PCA3: variants seen among roughly 807,000 people sequenced by gnomAD.
PCA3 encodes the protein prostate cancer associated 3.
intron 2 of PCA3, among the ~76,000 whole-genome samples, chr9:76,769,200 G>A (rs1039210591): frequency 3.9e-5 from 6 of 152,152 alleles, no homozygotes; most frequent in African/African-American, 7.2e-5. Flanking sequence ...TCTTCAGATC[G>A]TATAAATCTC....
intron 2 of PCA3, chr9:76,785,626 CT>C (rs1421094750): frequency 6.6e-6 from 1 of 151,916 alleles, no homozygotes. Context: ...TGTGTTTGTC[CT>C]TGTAGTTAAT....
At chr9:76,772,574 T>C (rs189149167) in intron 2 of PCA3, among the ~76,000 whole-genome samples, 4 of 151,988 alleles carry the variant, frequency 2.6e-5, no homozygotes, top group Non-Finnish European at 5.9e-5. Context: ...ATTTTCTTTC[T>C]TTTTTTTAGA....
chr9:76,780,523 TAAAA>T (rs201425099), intron 2 of PCA3, among the ~76,000 whole-genome samples: 1 of 150,520 alleles, frequency 6.6e-6, no homozygotes, highest in African/African-American at 2.4e-5. Flanking sequence ...CTGTTTCTAA[TAAAA>T]AAAAATACAA....
chr9:76,774,460 T>TATTTA (rs1564272674), intron 2 of PCA3, among the ~76,000 whole-genome samples: 19 of 138,656 alleles, frequency 1.4e-4, no homozygotes, highest in Non-Finnish European at 1.4e-4. Context: ...CTTTTTTTTT[T>TATTTA]TTTTTTTTTT....
chr9:76,766,622 C>G (rs999748599), intron 2 of PCA3, among the ~76,000 whole-genome samples: 2 of 152,104 alleles, frequency 1.3e-5, no homozygotes, highest in Non-Finnish European at 2.9e-5. Context: ...CCTTACATAC[C>G]TCCCTCGTTT....
chr9:76,767,415 C>A (rs889503073), intron 2 of PCA3, among the ~76,000 whole-genome samples: 1 of 151,066 alleles, frequency 6.6e-6, no homozygotes, highest in Non-Finnish European at 1.5e-5. Flanking sequence ...TGTGCCACTG[C>A]GCTCCAGCCT....
chr9:76,784,003 C>G (rs1455711906), intron 2 of PCA3: 1 of 152,206 alleles, frequency 6.6e-6, no homozygotes, highest in Non-Finnish European at 1.5e-5. Flanking sequence ...TACCGATTTT[C>G]TATTTCTTGC....
At chr9:76,772,620 G>C (rs1793789877) in intron 2 of PCA3, among the ~76,000 whole-genome samples, 1 of 152,136 alleles carries the variant, frequency 6.6e-6, no homozygotes, top group South Asian at 2.1e-4. Flanking sequence ...CTGGAACGTA[G>C]TGGTGCAATC....
chr9:76,765,131 T>C (rs2052198188), intron 2 of PCA3, among the ~76,000 whole-genome samples: 1 of 152,136 alleles, frequency 6.6e-6, no homozygotes, highest in Non-Finnish European at 1.5e-5. Context: ...CATTAACATA[T>C]AACCACTTAG....
At chr9:76,765,296 G>C (rs2052222497) in intron 2 of PCA3, among the ~76,000 whole-genome samples, 1 of 152,156 alleles carries the variant, frequency 6.6e-6, no homozygotes, top group African/African-American at 2.4e-5. Context: ...TGCCATAGAA[G>C]CCAAGATGAA....
intron 2 of PCA3, among the ~76,000 whole-genome samples, chr9:76,776,517 T>TC (rs1191105197): frequency 7.4e-5 from 11 of 149,478 alleles, no homozygotes; most frequent in African/African-American, 2.8e-4. Flanking sequence ...TTTTCTTTTT[T>TC]CTTTTTTTTT....
intron 2 of PCA3, among the ~76,000 whole-genome samples, chr9:76,783,106 T>A (rs1227510928): frequency 6.6e-6 from 1 of 152,142 alleles, no homozygotes; most frequent in Non-Finnish European, 1.5e-5. Flanking sequence ...GACACTTGAT[T>A]AACATCAGTT....
intron 2 of PCA3, among the ~76,000 whole-genome samples, chr9:76,771,146 G>C (rs1051198063): frequency 6.6e-6 from 1 of 152,080 alleles, no homozygotes; most frequent in African/African-American, 2.4e-5. Flanking sequence ...TATGATCATA[G>C]AAACTAGACA....
chr9:76,765,948 C>T (rs1455922961), intron 2 of PCA3, among the ~76,000 whole-genome samples: 2 of 152,032 alleles, frequency 1.3e-5, no homozygotes, highest in African/African-American at 4.8e-5. Context: ...TTTGGGAGGC[C>T]AAGGCAGGCT....
At chr9:76,767,367 C>T (rs1027711672) in intron 2 of PCA3, among the ~76,000 whole-genome samples, 7 of 151,900 alleles carry the variant, frequency 4.6e-5, no homozygotes, top group Non-Finnish European at 1.0e-4. Context: ...AGGAGAATAG[C>T]TTGAACTCGG....
chr9:76,770,030 T>TCATA (rs1247669921), intron 2 of PCA3, among the ~76,000 whole-genome samples: 2 of 152,200 alleles, frequency 1.3e-5, no homozygotes, highest in African/African-American at 4.8e-5. Context: ...TTTATTAGCA[T>TCATA]CATAACCTAA....
chr9:76,766,733 T>G (rs1177799951), intron 2 of PCA3, among the ~76,000 whole-genome samples: 16 of 150,554 alleles, frequency 1.1e-4, no homozygotes, highest in Admixed American at 1.1e-3. Flanking sequence ...GATTTGCCAT[T>G]TCTTCAGCCT....
intron 2 of PCA3, among the ~76,000 whole-genome samples, chr9:76,765,474 G>A (rs1376397221): frequency 6.6e-6 from 1 of 152,196 alleles, no homozygotes; most frequent in Non-Finnish European, 1.5e-5. Context: ...CTGAGGTAAG[G>A]AAGGCATACA....
At chr9:76,770,624 A>C (rs2052987852) in intron 2 of PCA3, among the ~76,000 whole-genome samples, 1 of 152,196 alleles carries the variant, frequency 6.6e-6, no homozygotes, top group Non-Finnish European at 1.5e-5. Context: ...CCACAACAAA[A>C]TCCTGCAAAA....
Sources: allele counts gnomAD v4.1 joint callset (sites outside exome capture counted in the v4.1 genomes callset), GRCh38; gene constraint gnomAD v4.1.1; transcripts MANE v1.5; gene names NCBI Gene and HGNC (gene_info 2026-07-23, HGNC 2026-07-21).